The following MRPS9 variants were observed in gnomAD, a reference collection of about 807,000 sequenced individuals.
The protein encoded by MRPS9 is mitochondrial ribosomal protein S9.
Under a neutral mutation model 59.9 loss-of-function variants are expected in MRPS9, and 45 were observed. The ratio of observed to expected loss-of-function variants is 0.75; its 90% confidence interval spans 0.59 to 0.96. MRPS9 has a LOEUF of 0.96. MRPS9 is among the 40% of genes least tolerant of loss of function. MRPS9 has a pLI of 0.00. For synonymous variants in MRPS9, 171 were observed against 166.8 expected (o/e 1.03, Z -0.19); for missense variants, 473 against 481.1 (o/e 0.98, Z 0.16).
At chr2:105,060,754 A>G (rs1679885415) in intron 2 of MRPS9, among the ~76,000 whole-genome samples, 2 of 152,178 alleles carry the variant, frequency 1.3e-5, no homozygotes, top group South Asian at 4.1e-4. Flanking sequence ...AGGCATTGGC[A>G]TTTGAGAGAA....
chr2:105,072,742 AG>A (rs1680137791), intron 4 of MRPS9, among the ~76,000 whole-genome samples: 1 of 152,178 alleles, frequency 6.6e-6, no homozygotes, highest in Admixed American at 6.5e-5. Context: ...TTTATTTTGC[AG>A]TGGTATTTCT....
intron 9 of MRPS9, among the ~76,000 whole-genome samples, chr2:105,094,932 T>C (rs1410430587): frequency 6.6e-6 from 1 of 152,236 alleles, no homozygotes; most frequent in African/African-American, 2.4e-5. Context: ...TTGGTTTGAA[T>C]TCAGCAGCTT....
intron 5 of MRPS9, among the ~76,000 whole-genome samples, chr2:105,083,675 C>T (rs945548786): frequency 6.6e-5 from 10 of 152,112 alleles, no homozygotes; most frequent in African/African-American, 2.4e-4. Context: ...CTGCAGAATA[C>T]AGACTGTGAA....
intron 4 of MRPS9, among the ~76,000 whole-genome samples, chr2:105,078,285 A>G (rs62151953): frequency 6.6e-6 from 1 of 150,924 alleles, no homozygotes; most frequent in Non-Finnish European, 1.5e-5. Flanking sequence ...GCATCTTAAA[A>G]TCTGTGATAC....
chr2:105,065,714 T>C (rs1399886225), intron 2 of MRPS9, among the ~76,000 whole-genome samples: 1 of 152,218 alleles, frequency 6.6e-6, no homozygotes, highest in Non-Finnish European at 1.5e-5. Flanking sequence ...AGTAAAGATT[T>C]TCCTGTTTTA....
intron 2 of MRPS9, among the ~76,000 whole-genome samples, chr2:105,057,635 C>G (rs556200130): frequency 6.6e-6 from 1 of 152,296 alleles, no homozygotes; most frequent in Admixed American, 6.5e-5. Context: ...GTAACATCTC[C>G]TTGTGCTAGA....
At chr2:105,084,247 A>AATATAGATATATAT (rs754016660) in intron 5 of MRPS9, among the ~76,000 whole-genome samples, 3 of 139,592 alleles carry the variant, frequency 2.1e-5, no homozygotes, top group African/African-American at 5.2e-5. Context: ...TATATACCAA[A>AATATAGATATATAT]ATATATATAT....
intron 4 of MRPS9, among the ~76,000 whole-genome samples, chr2:105,074,897 C>T (rs1026394991): frequency 3.3e-5 from 5 of 152,040 alleles, no homozygotes; most frequent in Middle Eastern, 3.4e-3. Flanking sequence ...GGGATGGTTT[C>T]GGGATGATTC....
chr2:105,094,718 A>C (rs1417804600), intron 9 of MRPS9, among the ~76,000 whole-genome samples: 1 of 152,228 alleles, frequency 6.6e-6, no homozygotes, highest in Non-Finnish European at 1.5e-5. Flanking sequence ...GGATGGAAGA[A>C]GCTTTTATTT....
chr2:105,081,228 G>A (rs1009462496), intron 5 of MRPS9, among the ~76,000 whole-genome samples: 1 of 152,224 alleles, frequency 6.6e-6, no homozygotes, highest in Non-Finnish European at 1.5e-5. Context: ...TGGTGCAGAC[G>A]CAAATTTTCT....
chr2:105,066,910 C>T (rs1440372982), intron 2 of MRPS9, among the ~76,000 whole-genome samples: 1 of 152,088 alleles, frequency 6.6e-6, no homozygotes, highest in Non-Finnish European at 1.5e-5. Flanking sequence ...ACATTTGTCC[C>T]ACCTTTTTAT....
intron 2 of MRPS9, among the ~76,000 whole-genome samples, chr2:105,052,267 C>T (rs1573419932): frequency 6.6e-6 from 1 of 152,108 alleles, no homozygotes; most frequent in Non-Finnish European, 1.5e-5. Context: ...TTCATGGGTG[C>T]TCTATCAGAT....
intron 2 of MRPS9, among the ~76,000 whole-genome samples, chr2:105,066,301 G>A (rs1558755841): frequency 6.6e-6 from 1 of 152,164 alleles, no homozygotes; most frequent in Non-Finnish European, 1.5e-5. Context: ...AAATTAATAA[G>A]TGTGTATTAA....
intron 9 of MRPS9, among the ~76,000 whole-genome samples, chr2:105,095,498 CTTT>C (rs1178730252): frequency 3.3e-5 from 4 of 122,584 alleles, no homozygotes; most frequent in Admixed American, 8.3e-5. Context: ...TTTTTTTTTT[CTTT>C]TTTTTTTTTT....
chr2:105,064,080 G>A (rs909434641), intron 2 of MRPS9, among the ~76,000 whole-genome samples: 14 of 152,248 alleles, frequency 9.2e-5, no homozygotes, highest in Non-Finnish European at 1.3e-4. Flanking sequence ...TTAGAACTAC[G>A]GAAATAGATT....
intron 2 of MRPS9, among the ~76,000 whole-genome samples, chr2:105,064,478 T>C (rs920920690): frequency 1.3e-5 from 2 of 152,146 alleles, no homozygotes; most frequent in Non-Finnish European, 2.9e-5. Context: ...GAGCACAGTC[T>C]TGTTTAGATG....
At chr2:105,098,609 G>A (rs1000032730) in intron 10 of MRPS9, 9 of 152,170 alleles carry the variant, frequency 5.9e-5, no homozygotes, top group Admixed American at 3.9e-4. Context: ...TACAGTTGAA[G>A]CTAGAACTTA....
intron 9 of MRPS9, 35 bp downstream of exon 9, chr2:105,093,673 G>A: frequency 9.1e-7 from 1 of 1,095,296 alleles, no homozygotes. Context: ...GTTTTTAAAG[G>A]AAACATACTT....
At chr2:105,039,401 G>T (rs899941076) in intron 1 of MRPS9, among the ~76,000 whole-genome samples, 1 of 148,342 alleles carries the variant, frequency 6.7e-6, no homozygotes, top group Non-Finnish European at 1.5e-5. Context: ...TGCTACATAC[G>T]CATGATTATG....
Sources: gnomAD v4.1 joint callset for allele counts (sites outside exome capture counted in the v4.1 genomes callset) on GRCh38, gnomAD v4.1.1 for gene constraint, MANE v1.5 for transcripts, NCBI Gene and HGNC (gene_info 2026-07-23, HGNC 2026-07-21) for gene names.